The following EFHB variants were observed in gnomAD, a reference collection of about 807,000 sequenced individuals.
EFHB encodes EF-hand domain-containing family member B.
In EFHB, 91 loss-of-function variants were observed where a neutral mutation model predicts 87.2. The ratio of observed to expected loss-of-function variants is 1.04; its 90% CI spans 0.88 to 1.24. The LOEUF is 1.24. EFHB is among the 50% of genes most tolerant of loss of function. The pLI, the probability that EFHB is intolerant of heterozygous loss-of-function variation, is 0.00. For missense variants in EFHB, 1,084 were observed against 998.8 expected, an observed-to-expected ratio of 1.09 and a Z score of -1.15; for synonymous variants, 325 against 333.6, an observed-to-expected ratio of 0.97 and a Z score of 0.28.
intron 5 of EFHB, among the ~76,000 whole-genome samples, chr3:19,914,336 T>C (rs1172629040): frequency 1.3e-5 from 2 of 152,210 alleles, no homozygotes; most frequent in Non-Finnish European, 2.9e-5. Flanking sequence ...TTATAAACCA[T>C]GCACAATCCA....
intron 6 of EFHB, among the ~76,000 whole-genome samples, chr3:19,902,660 T>A (rs1389061406): frequency 6.6e-6 from 1 of 151,770 alleles, no homozygotes; most frequent in Non-Finnish European, 1.5e-5. Context: ...CCAATAGAGA[T>A]CCTCTTTTAC....
intron 8 of EFHB, among the ~76,000 whole-genome samples, chr3:19,898,550 C>T (rs749974910): frequency 3.3e-5 from 5 of 152,188 alleles, no homozygotes; most frequent in Non-Finnish European, 7.3e-5. Context: ...CTTAACTACA[C>T]TTACAGTACT....
In EFHB at chr3:19,934,062, C is replaced by T. The variant is rs186676547; in HGVS notation, c.-44G>A. 1 of 1,539,998 alleles carries T rather than the reference C, an allele frequency of 6.5e-7. No homozygotes were observed. ...CTCATTTCTCCAAGAGCGCTCATCT[C>T]TAAGGGGAAAGCTGTACCTGGCTAC... On this transcript the variant is annotated 5_prime_UTR_variant, in exon 1 of 13. Transcript: ENST00000295824.
rs1695921760 is a variant in EFHB, at chr3:19,933,775, TC to T, written c.243del (p.Thr82LeufsTer8). On this transcript the variant is annotated frameshift_variant, in exon 1 of 13. Coordinates refer to ENST00000295824, the MANE Select transcript of EFHB (RefSeq NM_144715.4). LOFTEE classifies it high-confidence loss of function. ...EMGLERQNIS[R>X]TVMQRGSLGV... is the part of the protein sequence containing the mutation. Reference sequence around the variant, plus strand: ...CCTAAACTACCCCTCTGCATGACAGTCCTAGAAATATTCTGTCTTTCTAATC... The same window carrying T: ...CCTAAACTACCCCTCTGCATGACAGTCTAGAAATATTCTGTCTTTCTAATC... The T allele has an allele frequency of 1.2e-6, 2 of 1,614,020 alleles. No homozygotes were observed. Among genetic ancestry groups the T allele is most frequent in the Non-Finnish European group, 1.7e-6 (2 of 1,179,892 alleles).
At chr3:19,895,252 C>G (rs1440746643) in intron 9 of EFHB, among the ~76,000 whole-genome samples, 1 of 151,564 alleles carries the variant, frequency 6.6e-6, no homozygotes, top group African/African-American at 2.4e-5. Flanking sequence ...GAGGCCGAGG[C>G]GGGTGGGTCA....
At chr3:19,881,209 C>A (rs1162735181) in intron 12 of EFHB, among the ~76,000 whole-genome samples, 2 of 152,170 alleles carry the variant, frequency 1.3e-5, no homozygotes, top group Non-Finnish European at 2.9e-5. Context: ...AAGGCCCCTG[C>A]AGAGTGAGCT....
At chr3:19,941,038 G>A in intron 1 of EFHB, 1 of 337,316 alleles carries the variant, frequency 3.0e-6, no homozygotes, top group Non-Finnish European at 5.6e-6. Flanking sequence ...TTTGTTGCCA[G>A]ACAGAATGGC....
rs952027510 is a variant in EFHB, at chr3:19,919,812, G to A, written c.996+21C>T. The A allele has an allele frequency of 1.3e-5, 21 of 1,603,066 alleles. No individual in the cohort carries two copies. The African/African-American group carries it at 2.6e-4, about 19-fold the overall frequency. ...CCTTGGTAAATTAATAATGTACAAG[G>A]AAAAAAAGAAAATAACTTACCAGTA... On this transcript the variant is annotated intron_variant, in intron 3 of 12. Transcript: ENST00000295824.
At chr3:19,911,077 A>T (rs1437493068) in intron 5 of EFHB, among the ~76,000 whole-genome samples, 1 of 152,222 alleles carries the variant, frequency 6.6e-6, no homozygotes, top group Non-Finnish European at 1.5e-5. Flanking sequence ...CATCTAGGAA[A>T]ATATGACCTC....
chr3:19,909,910 C>G (rs1014538170), intron 5 of EFHB, among the ~76,000 whole-genome samples: 2 of 151,988 alleles, frequency 1.3e-5, no homozygotes, highest in African/African-American at 4.8e-5. Context: ...ACCTGCTAAC[C>G]GAAGAGCTCT....
At chr3:19,945,775 A>C (rs1186325496) in intron 1 of EFHB, 1 of 152,178 alleles carries the variant, frequency 6.6e-6, no homozygotes, top group East Asian at 1.9e-4. Flanking sequence ...TCTGGCAACT[A>C]GGTAGTTGAT....
At chr3:19,909,346 C>T (rs548506783) in intron 5 of EFHB, among the ~76,000 whole-genome samples, 4 of 152,154 alleles carry the variant, frequency 2.6e-5, no homozygotes, top group South Asian at 2.1e-4. Context: ...AGCTGATGCC[C>T]GTCCCCAGAG....
intron 1 of EFHB, among the ~76,000 whole-genome samples, chr3:19,924,606 T>C (rs1209588575): frequency 1.3e-5 from 2 of 152,218 alleles, no homozygotes; most frequent in African/African-American, 4.8e-5. Context: ...CAATACTCAA[T>C]GTACACCAGT....
At chr3:19,885,686 C>T (rs116954481) in intron 10 of EFHB, among the ~76,000 whole-genome samples, 150 of 152,240 alleles carry the variant, frequency 9.9e-4, no homozygotes, top group Non-Finnish European at 1.2e-3. Flanking sequence ...GGGTGGATAC[C>T]GTGGCAAACT....
chr3:19,920,892 T>C (rs1051769489), intron 1 of EFHB, among the ~76,000 whole-genome samples: 1 of 152,156 alleles, frequency 6.6e-6, no homozygotes, highest in Admixed American at 6.5e-5. Context: ...GATCACAGGT[T>C]AATTATTCAT....
chr3:19,890,673 T>C (rs1474101299), intron 9 of EFHB, among the ~76,000 whole-genome samples: 1 of 137,170 alleles, frequency 7.3e-6, no homozygotes, highest in Non-Finnish European at 1.6e-5. Context: ...CCCATAACCC[T>C]AATGACTCCT....
At chr3:19,895,222 C>G (rs1694439809) in intron 9 of EFHB, among the ~76,000 whole-genome samples, 1 of 151,500 alleles carries the variant, frequency 6.6e-6, no homozygotes, top group South Asian at 2.1e-4. Context: ...TGGCTCAAGC[C>G]CGTAATCCCA....
intron 5 of EFHB, among the ~76,000 whole-genome samples, chr3:19,908,636 G>GA (rs1361001089): frequency 1.3e-5 from 2 of 150,466 alleles, no homozygotes; most frequent in Non-Finnish European, 3.0e-5. Flanking sequence ...AAGAAAGAAA[G>GA]AAAGAAAGAA....
chr3:19,936,321 G>T, upstream of EFHB: 3 of 545,110 alleles, frequency 5.5e-6, no homozygotes, highest in Non-Finnish European at 9.8e-6. Context: ...TTGCATGCCA[G>T]CCTGGGCGAC....
Sources: gnomAD v4.1 joint callset for allele counts (sites outside exome capture counted in the v4.1 genomes callset) on GRCh38, gnomAD v4.1.1 for gene constraint, MANE v1.5 for transcripts, NCBI Gene and HGNC (gene_info 2026-07-23, HGNC 2026-07-21) for gene names.